SHISA9: variants seen among roughly 807,000 people sequenced by gnomAD.
SHISA9 encodes the protein shisa family member 9.
In SHISA9, 13 loss-of-function variants were observed where a neutral mutation model predicts 38.0. The ratio of observed to expected loss-of-function variants is 0.34; its 90% confidence interval spans 0.22 to 0.54. The LOEUF is 0.54. Ranked by LOEUF, SHISA9 falls within the 20% of genes least tolerant of loss-of-function variation. The pLI is 0.91. For synonymous variants in SHISA9, 275 were observed against 242.0 expected, an observed-to-expected ratio of 1.14 and a Z score of -1.27; for missense variants, 538 against 575.8, an observed-to-expected ratio of 0.93 and a Z score of 0.67.
the SHISA9 span, among the ~76,000 whole-genome samples, chr16:13,467,556 T>C: frequency 6.6e-6 from 1 of 152,214 alleles, no homozygotes; most frequent in African/African-American, 2.4e-5. Flanking sequence ...ATGTGATTTC[T>C]TCAACTCCAT....
the SHISA9 span, among the ~76,000 whole-genome samples, chr16:13,459,245 G>A: frequency 2.0e-5 from 3 of 152,140 alleles, no homozygotes; most frequent in Non-Finnish European, 4.4e-5. Context: ...TACAAGTCAC[G>A]TGCAGCCCTG....
rs117261353 is a variant in SHISA9 at position 12,962,379 on chromosome 16, G to C, written c.691+45564G>C. The stretch of plus-strand genomic sequence containing the variant: ...CAGTTCCCCAGTTGCATGAATGATA[G>C]TTGCCAGGTTCACTTGTGTTATGGA... On this transcript the variant is annotated intron_variant, in intron 2 of 4. Transcript: ENST00000558583. 9.9e-3 allele frequency among the ~76,000 whole-genome samples: 1,514 copies of C among 152,296 alleles called. 6 individuals carry two copies. The highest frequency in any genetic ancestry group is 0.028 in the East Asian group (147 of 5,184).
the SHISA9 span, among the ~76,000 whole-genome samples, chr16:13,557,154 A>C: frequency 6.6e-6 from 1 of 152,244 alleles, no homozygotes; most frequent in Non-Finnish European, 1.5e-5. Context: ...AATATTCTTC[A>C]ACAAGTGTTA....
At chr16:13,050,209 A>G (rs771930962) in intron 2 of SHISA9, among the ~76,000 whole-genome samples, 8 of 152,252 alleles carry the variant, frequency 5.3e-5, no homozygotes, top group Non-Finnish European at 1.2e-4. Flanking sequence ...ATGTAGATAT[A>G]CATCTGTTGA....
At position 12,906,519 on chromosome 16, in the gene SHISA9, C is replaced by G. The variant is rs542088248; in HGVS notation, c.563+3892C>G. Among the ~76,000 whole-genome samples the G allele has an allele frequency of 2.0e-4, 30 of 152,246 alleles. 1 individual carries two copies. In the South Asian group the frequency reaches 6.0e-3, roughly 31 times the overall value. ...CGAACAAATGCCCATTGAGCAGCTG[C>G]AAGAGCAGCCACAGTCAGTCACTAT... On this transcript the variant is annotated intron_variant, in intron 1 of 4. Coordinates refer to ENST00000558583, the MANE Select transcript of SHISA9 (RefSeq NM_001145204.3).
chr16:13,005,285 T>A (rs1567178877), intron 2 of SHISA9, among the ~76,000 whole-genome samples: 1 of 152,110 alleles, frequency 6.6e-6, no homozygotes, highest in Admixed American at 6.5e-5. Context: ...TCCTGGAGAT[T>A]TAAATTTGAG....
chr16:13,204,159 T>TATC (rs1567247332), intron 3 of SHISA9, among the ~76,000 whole-genome samples: 1 of 150,062 alleles, frequency 6.7e-6, no homozygotes, highest in East Asian at 2.0e-4. Flanking sequence ...TCTATCTATC[T>TATC]ATCTATCTAT....
intron 2 of SHISA9, among the ~76,000 whole-genome samples, chr16:13,034,014 C>A (rs754530576): frequency 2.0e-5 from 3 of 151,968 alleles, no homozygotes; most frequent in Non-Finnish European, 4.4e-5. Context: ...GGTGTGGTGG[C>A]GCATGCCTGT....
intron 2 of SHISA9, among the ~76,000 whole-genome samples, chr16:12,985,372 AC>A (rs1367580453): frequency 6.6e-6 from 1 of 152,088 alleles, no homozygotes; most frequent in Non-Finnish European, 1.5e-5. Context: ...TTTCTGGTGA[AC>A]CCTTCTCCAA....
chr16:13,109,099 A>C (rs2073953431), intron 2 of SHISA9, among the ~76,000 whole-genome samples: 1 of 152,124 alleles, frequency 6.6e-6, no homozygotes, highest in African/African-American at 2.4e-5. Flanking sequence ...TGAGTGTTGC[A>C]GGCATCAGTC....
chr16:13,257,941 G>A, the SHISA9 span, among the ~76,000 whole-genome samples: 31 of 152,198 alleles, frequency 2.0e-4, no homozygotes, highest in Admixed American at 3.9e-4. Flanking sequence ...AGCATCCTTC[G>A]CTAAATAAAA....
chr16:13,120,003 C>A (rs1366951612), intron 2 of SHISA9, among the ~76,000 whole-genome samples: 2 of 151,694 alleles, frequency 1.3e-5, no homozygotes, highest in Non-Finnish European at 2.9e-5. Flanking sequence ...GACAGGGAGA[C>A]ATAAAGGGAG....
the SHISA9 span, among the ~76,000 whole-genome samples, chr16:13,304,333 A>G: frequency 1.3e-5 from 2 of 152,350 alleles, no homozygotes; most frequent in East Asian, 3.9e-4. Flanking sequence ...ATCACGGCTC[A>G]CCGTGGCCTC....
intron 1 of SHISA9, chr16:12,909,644 C>T: frequency 1.0e-6 from 1 of 977,518 alleles, no homozygotes; most frequent in Non-Finnish European, 1.2e-6. Context: ...GTCCCAGCTC[C>T]AATGTCATCT....
chr16:13,235,322 C>T lies in SHISA9; in HGVS notation c.1188C>T (p.Ser396=), dbSNP rs964770740. The T allele has an allele frequency of 7.7e-6, 12 of 1,548,876 alleles. No individual in the cohort carries two copies. Among genetic ancestry groups the T allele is most frequent in the Non-Finnish European group, 1.0e-5 (12 of 1,146,998 alleles). The part of the protein sequence containing the change: ...KGKLGTAETG[S]SDPLGTRPQH... ...AGCTTGGCACGGCCGAGACAGGCTC[C>T]AGCGACCCCTTGGGAACTCGCCCCC... is the stretch of plus-strand genomic sequence containing the variant. Residue 396 remains serine, a synonymous_variant, in exon 5 of 5, where the codon TCC becomes TCT. Transcript: ENST00000558583.
At chr16:13,463,976 G>C in the SHISA9 span, among the ~76,000 whole-genome samples, 1 of 152,200 alleles carries the variant, frequency 6.6e-6, no homozygotes, top group Non-Finnish European at 1.5e-5. Context: ...ATGCCCAAAG[G>C]CAATGCTAAT....
At chr16:12,942,724 A>AG (rs1176355912) in intron 2 of SHISA9, among the ~76,000 whole-genome samples, 2 of 152,352 alleles carry the variant, frequency 1.3e-5, no homozygotes, top group Admixed American at 1.3e-4. Flanking sequence ...AGAAGCGCAC[A>AG]GCCACATTTG....
At chr16:13,440,484 G>C in the SHISA9 span, among the ~76,000 whole-genome samples, 1 of 152,208 alleles carries the variant, frequency 6.6e-6, no homozygotes, top group African/African-American at 2.4e-5. Flanking sequence ...CTTTAAAACA[G>C]AGCAGAGACA....
chr16:12,970,135 A>G (rs1464033739), intron 2 of SHISA9, among the ~76,000 whole-genome samples: 2 of 150,384 alleles, frequency 1.3e-5, no homozygotes, highest in East Asian at 3.9e-4. Context: ...TAATAATAGT[A>G]AAAAGAATAA....
Sources: gnomAD v4.1 joint callset for allele counts (sites outside exome capture counted in the v4.1 genomes callset) on GRCh38, gnomAD v4.1.1 for gene constraint, MANE v1.5 for transcripts, NCBI Gene and HGNC (gene_info 2026-07-23, HGNC 2026-07-21) for gene names.